CDKL3: variants seen among roughly 807,000 people sequenced by gnomAD.
CDKL3 encodes the protein cyclin-dependent kinase-like 3.
Under a neutral mutation model 69.3 loss-of-function variants are expected in CDKL3, and 65 were observed. The observed-to-expected ratio is 0.94, with a 90% CI of 0.77 to 1.15. The LOEUF is 1.15. Among genes scored for constraint, CDKL3 ranks in the 50% most tolerant of loss-of-function variants. The probability of loss-of-function intolerance (pLI) is 0.00; values close to 1 mark genes in which losing one functional copy is unlikely to be tolerated. For synonymous variants in CDKL3, 202 were observed against 221.6 expected, an observed-to-expected ratio of 0.91 and a Z score of 0.79; for missense variants, 652 against 689.2, an observed-to-expected ratio of 0.95 and a Z score of 0.61.
chr5:134,341,272 C>G (rs1249490338), intron 4 of CDKL3, among the ~76,000 whole-genome samples: 2 of 152,132 alleles, frequency 1.3e-5, no homozygotes, highest in African/African-American at 2.4e-5. Context: ...AGATTAGGAA[C>G]AAGACAAGGA....
chr5:134,371,567 T>C (rs750768765), upstream of CDKL3: 4 of 1,608,750 alleles, frequency 2.5e-6, no homozygotes, highest in Middle Eastern at 1.7e-4. Context: ...TTTTTTTTTT[T>C]CAGACTGACC....
chr5:134,343,499 G>GT (rs1751052712), intron 4 of CDKL3, among the ~76,000 whole-genome samples: 1 of 152,160 alleles, frequency 6.6e-6, no homozygotes, highest in African/African-American at 2.4e-5. Flanking sequence ...CTTCTTGCCT[G>GT]GGGACCAGAT....
chr5:134,317,489 T>C (rs1190104779), intron 6 of CDKL3, among the ~76,000 whole-genome samples: 1 of 152,180 alleles, frequency 6.6e-6, no homozygotes, highest in African/African-American at 2.4e-5. Flanking sequence ...CCAGGCACAG[T>C]TGCTTATGCC....
intron 10 of CDKL3, among the ~76,000 whole-genome samples, chr5:134,305,852 C>T (rs528038712): frequency 6.6e-6 from 1 of 151,964 alleles, no homozygotes; most frequent in South Asian, 2.1e-4. Context: ...GCAAAATAAG[C>T]CAAAAACAAA....
chr5:134,359,911 G>C lies in CDKL3; in HGVS notation c.346C>G (p.Leu116Val). 6.3e-7 allele frequency: 1 copy of C among 1,581,890 alleles called. No homozygotes were observed. The highest frequency in any genetic ancestry group is 1.2e-5 in the South Asian group (1 of 85,612). The change falls in exon 3 of 13, where the codon CTT (leucine) becomes GTT (valine). Residue 116 changes from leucine to valine, a missense_variant. By Grantham distance (32) the Leu-to-Val change is conservative (BLOSUM62 1). Coordinates refer to ENST00000265334, the MANE Select transcript of CDKL3 (RefSeq NM_001113575.2). ...LFQILRAIDY[L>V]HSNNIIHRDI... is the part of the protein sequence containing the mutation. Reference sequence around the variant, plus strand: ...GAAGCACTTACATTATTACTGTGAAGATAGTCAATTGCTCGAAGGATCTGG... The same window carrying C: ...GAAGCACTTACATTATTACTGTGAACATAGTCAATTGCTCGAAGGATCTGG...
At chr5:134,289,717 C>T (rs1765039698) in intron 8 of CDKL3, among the ~76,000 whole-genome samples, 1 of 152,138 alleles carries the variant, frequency 6.6e-6, no homozygotes, top group South Asian at 2.1e-4. Flanking sequence ...GGACTGTGGG[C>T]TCCCTCTGGA....
Position 134,312,400 on chromosome 5 carries a change from T to C in CDKL3, c.793-20A>G, listed in dbSNP as rs1337744540. 2 of 1,413,352 alleles carry C rather than the reference T, an allele frequency of 1.4e-6. No individual in the cohort carries two copies. The highest frequency in any genetic ancestry group is 2.0e-6 in the Non-Finnish European group (2 of 1,024,708). 87.6% of individuals were successfully genotyped at this position (1,413,352 alleles called of 1,614,324 possible). On this transcript the variant is annotated intron_variant, in intron 6 of 12. Transcript: ENST00000265334. ...ACAAGCCTAGGAAAGGAAAAAGATTTTAATAAGTGAGCTCTCAACAGGGCT... is the reference window on the plus strand; with the variant it reads ...ACAAGCCTAGGAAAGGAAAAAGATTCTAATAAGTGAGCTCTCAACAGGGCT...
intron 6 of CDKL3, among the ~76,000 whole-genome samples, chr5:134,317,635 T>G (rs1373554043): frequency 1.3e-5 from 2 of 151,598 alleles, no homozygotes; most frequent in African/African-American, 4.8e-5. Context: ...TAATTAATTT[T>G]TTTAAACAGG....
chr5:134,331,293 CT>C (rs932104380), intron 4 of CDKL3, among the ~76,000 whole-genome samples: 7 of 151,954 alleles, frequency 4.6e-5, no homozygotes, highest in Admixed American at 3.9e-4. Context: ...TTCCTCCTTT[CT>C]TTTTTTAATT....
downstream of CDKL3, among the ~76,000 whole-genome samples, chr5:134,293,478 G>GA (rs1437401148): frequency 2.0e-5 from 3 of 151,868 alleles, no homozygotes; most frequent in African/African-American, 7.3e-5. Context: ...GACAATACAA[G>GA]AAAAAAATGA....
intron 7 of CDKL3, among the ~76,000 whole-genome samples, chr5:134,310,023 G>A (rs1768977057): frequency 6.6e-6 from 1 of 151,966 alleles, no homozygotes; most frequent in Admixed American, 6.6e-5. Flanking sequence ...TAGAGACAGG[G>A]TTTTGCCATG....
intron 8 of CDKL3, 33 bp downstream of exon 8, chr5:134,308,541 T>G (rs1432834362): frequency 2.6e-6 from 4 of 1,558,226 alleles, no homozygotes; most frequent in Non-Finnish European, 3.4e-6. Context: ...ATAATATAAT[T>G]ATACTGGCTG....
At chr5:134,292,980 C>T (rs976161121) in intron 8 of CDKL3, among the ~76,000 whole-genome samples, 3 of 145,558 alleles carry the variant, frequency 2.1e-5, no homozygotes, top group Non-Finnish European at 3.0e-5. Flanking sequence ...ACTCCAGGCC[C>T]TGTTGGCCTC....
chr5:134,284,768 C>T (rs1019550368), downstream of CDKL3, among the ~76,000 whole-genome samples: 9 of 152,294 alleles, frequency 5.9e-5, no homozygotes, highest in African/African-American at 2.2e-4. Flanking sequence ...TTCTCCTATT[C>T]GCTTTCTGCA....
chr5:134,299,537 A>G, intron 12 of CDKL3: 8 of 1,205,196 alleles, frequency 6.6e-6, no homozygotes, highest in African/African-American at 1.5e-5. Flanking sequence ...AATAAATTTA[A>G]AAACAAATTT....
At chr5:134,312,464 A>C in intron 6 of CDKL3, 84 bp from the exon 7 acceptor site, 1 of 728,804 alleles carries the variant, frequency 1.4e-6, no homozygotes, top group Admixed American at 3.4e-5. Context: ...CAAATTAAGA[A>C]GTAAGTAATT....
At chr5:134,349,601 T>C (rs1486027030) in intron 4 of CDKL3, among the ~76,000 whole-genome samples, 1 of 152,172 alleles carries the variant, frequency 6.6e-6, no homozygotes, top group Non-Finnish European at 1.5e-5. Flanking sequence ...TTGCAGAATG[T>C]AGAGGCTAAA....
intron 4 of CDKL3, among the ~76,000 whole-genome samples, chr5:134,337,704 A>T (rs193242428): frequency 7.2e-4 from 109 of 152,276 alleles, no homozygotes; most frequent in Admixed American, 2.4e-3. Context: ...TTAAAATTTT[A>T]AAAAAATTGG....
intron 11 of CDKL3, among the ~76,000 whole-genome samples, chr5:134,303,055 A>G (rs1279275174): frequency 6.6e-6 from 1 of 152,148 alleles, no homozygotes; most frequent in East Asian, 1.9e-4. Flanking sequence ...TATTCAAGAC[A>G]AAAGTGCGTT....
Sources: gnomAD v4.1 joint callset for allele counts (sites outside exome capture counted in the v4.1 genomes callset) on GRCh38, gnomAD v4.1.1 for gene constraint, MANE v1.5 for transcripts, NCBI Gene and HGNC (gene_info 2026-07-23, HGNC 2026-07-21) for gene names.